The following PRELID2 variants were observed in gnomAD, a reference collection of about 807,000 sequenced individuals.
PRELID2 encodes the protein PRELI domain-containing protein 2.
Under a neutral mutation model 28.4 loss-of-function variants are expected in PRELID2, and 25 were observed. That is an observed-to-expected ratio of 0.88 (90% confidence interval 0.64 to 1.23). The LOEUF (loss-of-function observed/expected upper bound fraction) is 1.23, where lower values mean the gene tolerates loss of function less well. Among genes scored for constraint, PRELID2 ranks in the 50% most tolerant of loss-of-function variants. The pLI, the probability that PRELID2 is intolerant of heterozygous loss-of-function variation, is 0.00. For synonymous variants in PRELID2, 76 were observed against 71.6 expected (o/e 1.06, Z -0.31); for missense variants, 201 against 214.4 (o/e 0.94, Z 0.39).
chr5:145,626,025 T>A (rs1233572734), intron 1 of PRELID2, among the ~76,000 whole-genome samples: 2 of 152,140 alleles, frequency 1.3e-5, no homozygotes, highest in Admixed American at 6.5e-5. Flanking sequence ...ATACAAAAAT[T>A]AACTTCAGAT....
chr5:145,680,935 G>T (rs1023276987), intron 1 of PRELID2, among the ~76,000 whole-genome samples: 4 of 152,194 alleles, frequency 2.6e-5, no homozygotes, highest in African/African-American at 4.8e-5. Context: ...TTTTTATGAG[G>T]AGTTCTGACA....
chr5:145,352,329 T>C, the PRELID2 span, among the ~76,000 whole-genome samples: 1 of 152,202 alleles, frequency 6.6e-6, no homozygotes, highest in Non-Finnish European at 1.5e-5. Flanking sequence ...TCTTGACTTC[T>C]GTGTACCCTC....
At chr5:145,681,832 A>C (rs1754941773) in intron 1 of PRELID2, among the ~76,000 whole-genome samples, 1 of 152,212 alleles carries the variant, frequency 6.6e-6, no homozygotes, top group Non-Finnish European at 1.5e-5. Flanking sequence ...TAAGTGAACC[A>C]TAAGTACACA....
chr5:145,346,084 T>C, the PRELID2 span, among the ~76,000 whole-genome samples: 1 of 152,148 alleles, frequency 6.6e-6, no homozygotes, highest in South Asian at 2.1e-4. Flanking sequence ...TTTCTGCTTC[T>C]CACCAGTCTG....
the PRELID2 span, among the ~76,000 whole-genome samples, chr5:145,410,375 C>A: frequency 6.6e-6 from 1 of 152,290 alleles, no homozygotes. Flanking sequence ...TTAAAGACAA[C>A]CCACAGAGTG....
chr5:145,315,668 A>C, the PRELID2 span, among the ~76,000 whole-genome samples: 1 of 151,854 alleles, frequency 6.6e-6, no homozygotes, highest in Non-Finnish European at 1.5e-5. Context: ...TTTTTAATGT[A>C]GCTGACAAGA....
rs1757294381 is a variant in PRELID2, at chr5:145,757,510, G to A, written c.*3026C>T. ...ACAGGAGGAGACTGGCCAGGTCTGT[G>A]AATTAACCCTTTCCCACTCTTGTTT... On this transcript the variant is annotated 3_prime_UTR_variant, in exon 7 of 7. Coordinates refer to ENST00000683046, the MANE Select transcript of PRELID2 (RefSeq NM_205846.3). 6.6e-6 allele frequency among the ~76,000 whole-genome samples: 1 copy of A among 152,134 alleles called. No homozygotes were observed. Among genetic ancestry groups the A allele is most frequent in the Non-Finnish European group, 1.5e-5 (1 of 68,040 alleles).
intron 1 of PRELID2, among the ~76,000 whole-genome samples, chr5:145,505,178 A>G (rs377258978): frequency 1.8e-4 from 28 of 152,188 alleles, no homozygotes; most frequent in African/African-American, 5.8e-4. Context: ...CTCTGATTCA[A>G]TAGATTTCTA....
At chr5:145,585,022 C>G (rs1428700303) in intron 1 of PRELID2, among the ~76,000 whole-genome samples, 1 of 152,104 alleles carries the variant, frequency 6.6e-6, no homozygotes, top group East Asian at 1.9e-4. Context: ...ATAGAAAAGA[C>G]ATGGAATCAA....
At position 145,780,529 on chromosome 5, in the gene PRELID2, C is replaced by T. The variant is rs543202261; in HGVS notation, c.475-15529G>A. The stretch of plus-strand genomic sequence containing the variant: ...TTCAAAGGGAGCTGAGGAAAAAGAA[C>T]ATAAATGGCTCTACTGGAAATATAA... On this transcript the variant is annotated intron_variant, in intron 5 of 6. Coordinates refer to ENST00000683046, the MANE Select transcript of PRELID2 (RefSeq NM_205846.3). Among the ~76,000 whole-genome samples, 3 of 152,258 alleles carry T rather than the reference C, an allele frequency of 2.0e-5. No individual in the cohort carries two copies. In the South Asian group the frequency reaches 6.2e-4, roughly 32 times the overall value.
chr5:145,751,647 C>A (rs1301091627), downstream of PRELID2, among the ~76,000 whole-genome samples: 1 of 152,156 alleles, frequency 6.6e-6, no homozygotes, highest in East Asian at 1.9e-4. Flanking sequence ...ATAAAAATAC[C>A]ATTTTTCCAC....
intron 1 of PRELID2, among the ~76,000 whole-genome samples, chr5:145,653,057 T>A (rs1364511503): frequency 6.6e-6 from 1 of 151,918 alleles, no homozygotes; most frequent in African/African-American, 2.4e-5. Context: ...TGGAAGAAGA[T>A]CTACCAAGCA....
the PRELID2 span, among the ~76,000 whole-genome samples, chr5:145,465,903 G>A: frequency 1.3e-5 from 2 of 152,114 alleles, no homozygotes; most frequent in African/African-American, 2.4e-5. Flanking sequence ...TCCAAAGTAA[G>A]ATATATTCCC....
At chr5:145,579,702 T>G (rs961147816) in intron 1 of PRELID2, among the ~76,000 whole-genome samples, 2 of 152,102 alleles carry the variant, frequency 1.3e-5, no homozygotes, top group Non-Finnish European at 2.9e-5. Flanking sequence ...GTATGCATTT[T>G]GGATCGAGGC....
intron 1 of PRELID2, among the ~76,000 whole-genome samples, chr5:145,740,275 T>C (rs1402690777): frequency 1.6e-3 from 56 of 34,060 alleles, no homozygotes; most frequent in Non-Finnish European, 2.0e-3. Context: ...AATATATATA[T>C]ATATATATAT....
intron 1 of PRELID2, among the ~76,000 whole-genome samples, chr5:145,488,123 C>A (rs1316314692): frequency 5.1e-3 from 517 of 100,976 alleles, no homozygotes; most frequent in African/African-American, 6.5e-3. Flanking sequence ...GACTCTGTCT[C>A]AAAAAAAAAA....
At chr5:145,445,961 T>A in the PRELID2 span, among the ~76,000 whole-genome samples, 1 of 152,042 alleles carries the variant, frequency 6.6e-6, no homozygotes. Flanking sequence ...GAATAGAGGA[T>A]ACTAGAAGCT....
chr5:145,264,969 T>TAAAA, the PRELID2 span, among the ~76,000 whole-genome samples: 1 of 56,874 alleles, frequency 1.8e-5, no homozygotes. Flanking sequence ...AGTGCAACTC[T>TAAAA]AAAAAAAAAA....
intron 1 of PRELID2, among the ~76,000 whole-genome samples, chr5:145,582,049 G>T (rs1020193407): frequency 6.6e-6 from 1 of 152,034 alleles, no homozygotes; most frequent in Non-Finnish European, 1.5e-5. Flanking sequence ...AATGAGTTGT[G>T]AGTGGTGCTA....
Sources: allele counts gnomAD v4.1 joint callset (sites outside exome capture counted in the v4.1 genomes callset), GRCh38; gene constraint gnomAD v4.1.1; transcripts MANE v1.5; gene names NCBI Gene and HGNC (gene_info 2026-07-23, HGNC 2026-07-21).